ZSWIM9: variants seen among roughly 807,000 people sequenced by gnomAD.
The protein encoded by ZSWIM9 is zinc finger SWIM-type containing 9.
A neutral mutation model predicts 25.0 loss-of-function variants in ZSWIM9; 11 were observed. The observed-to-expected ratio is 0.44, with a 90% CI of 0.28 to 0.73. The LOEUF (loss-of-function observed/expected upper bound fraction) is 0.73. Ranked by LOEUF, ZSWIM9 falls within the 30% of genes least tolerant of loss-of-function variation. The pLI is 0.16. For missense variants in ZSWIM9, 1,070 were observed against 1,296.5 expected, an observed-to-expected ratio of 0.83 and a Z score of 2.68; for synonymous variants, 562 against 582.1, an observed-to-expected ratio of 0.97 and a Z score of 0.50.
Position 48,182,408 on chromosome 19 carries a change from A to T in ZSWIM9, c.276-47A>T. 2 of 1,377,940 alleles carry T rather than the reference A, an allele frequency of 1.5e-6. No individual in the cohort carries two copies. Among genetic ancestry groups the T allele is most frequent in the Non-Finnish European group, 1.9e-6 (2 of 1,035,690 alleles). 85.4% of individuals were successfully genotyped at this position (1,377,940 alleles called of 1,614,324 possible). A position where few individuals can be genotyped will look rare whatever the true frequency, so the allele number is the denominator to read the frequency against. On this transcript the variant is annotated intron_variant, in intron 2 of 3. Coordinates refer to ENST00000614654, the MANE Select transcript of ZSWIM9 (RefSeq NM_199341.4). The surrounding 1 kb of genome is among the most constrained non-coding windows in gnomAD (Gnocchi z 4.6). Reference sequence around the variant, plus strand: ...AAAAAGGTGAGTGGAAAGGAAGAAGAGGGCAGCAGAGTGATGTGACCAGGG... The same window carrying T: ...AAAAAGGTGAGTGGAAAGGAAGAAGTGGGCAGCAGAGTGATGTGACCAGGG...
chr19:48,184,670 C>A (rs2036990773), intron 3 of ZSWIM9, among the ~76,000 whole-genome samples: 1 of 152,140 alleles, frequency 6.6e-6, no homozygotes, highest in South Asian at 2.1e-4. Context: ...CAGGCACTAC[C>A]CTAAGTGCTT....
chr19:48,196,761 C>T lies in ZSWIM9; in HGVS notation c.2697C>T (p.Leu899=). Residue 899 remains leucine, a synonymous_variant, in exon 4 of 4, where the codon CTC becomes CTT. Coordinates refer to ENST00000614654, the MANE Select transcript of ZSWIM9 (RefSeq NM_199341.4). The stretch of plus-strand genomic sequence containing the variant: ...GACACCTCTTTGCAGCGCGCCTCCT[C>T]ACTGGGGCTGCCTTATTCCACATGG... ...PCRHLFAARL[L]TGAALFHMDL... The T allele has an allele frequency of 8.9e-6, 11 of 1,233,722 alleles. No individual in the cohort carries two copies. The highest frequency in any genetic ancestry group is 1.0e-5 in the Non-Finnish European group (10 of 989,058). 76.4% of individuals were successfully genotyped at this position (1,233,722 alleles called of 1,614,324 possible). A position where few individuals can be genotyped will look rare whatever the true frequency, so the allele number is the denominator to read the frequency against.
chr19:48,187,432 T>TATATATTATATATTATATATTA (rs1568579353), intron 3 of ZSWIM9, among the ~76,000 whole-genome samples: 4,101 of 84,336 alleles, frequency 0.049, 637 homozygotes, highest in South Asian at 0.07. Context: ...TATTATATTA[T>TATATATTATATATTATATATTA]ATTATATATA....
Position 48,171,814 on chromosome 19 carries a change from G to A in ZSWIM9, c.12G>A (p.Pro4=), listed in dbSNP as rs2036820906. 5 of 1,532,586 alleles carry A rather than the reference G, an allele frequency of 3.3e-6. No individual in the cohort carries two copies. Among genetic ancestry groups the A allele is most frequent in the Non-Finnish European group, 4.4e-6 (5 of 1,145,506 alleles). The allele number at this position is 1,532,586 out of a possible 1,614,324, so 94.9% of individuals were successfully genotyped here. ...CGCAGGCCCCCAGGATGGAGCGGCC[G>A]GAGCCCCCACCCGGCACGGCTGCGG... MER[P]EPPPGTAAGQ... Residue 4 remains proline, a synonymous_variant, in exon 2 of 4, where the codon CCG becomes CCA. Coordinates refer to ENST00000614654, the MANE Select transcript of ZSWIM9 (RefSeq NM_199341.4).
At position 48,195,217 on chromosome 19, in the gene ZSWIM9, C is replaced by T; in HGVS notation, c.1153C>T (p.Arg385Cys). The change falls in exon 4 of 4, where the codon CGC becomes TGC. Residue 385 changes from arginine (R) to cysteine (C), a missense_variant. Arg to Cys is a radical substitution (Grantham distance 180, BLOSUM62 -3). Around this residue, in one of 4 missense-constraint regions of ZSWIM9, gnomAD observed 184 missense variants for 243.1 expected, o/e 0.76. Transcript: ENST00000614654. This position sits in a 1 kb window ranked among gnomAD's most constrained non-coding sequence, Gnocchi z 5.8. ...DYFERNWEPR[R>C]DMWVRFRAFE... ...CTTCGAGCGCAACTGGGAGCCCCGCCGCGACATGTGGGTCCGCTTCCGCGC... is the reference window on the plus strand; with the variant it reads ...CTTCGAGCGCAACTGGGAGCCCCGCTGCGACATGTGGGTCCGCTTCCGCGC... The T allele has an allele frequency of 6.5e-7, 1 of 1,527,798 alleles. No individual in the cohort carries two copies. The highest frequency in any genetic ancestry group is 8.8e-7 in the Non-Finnish European group (1 of 1,142,164). 94.6% of individuals were successfully genotyped at this position (1,527,798 alleles called of 1,614,324 possible).
chr19:48,171,810 G>C lies in ZSWIM9; in HGVS notation c.8G>C (p.Arg3Pro). 6.5e-7 allele frequency: 1 copy of C among 1,532,110 alleles called. No homozygotes were observed. The highest frequency in any genetic ancestry group is 8.7e-7 in the Non-Finnish European group (1 of 1,145,316). The allele number at this position is 1,532,110 out of a possible 1,614,324, so 94.9% of individuals were successfully genotyped here. Residue 3 changes from arginine (R) to proline (P), a missense_variant, in exon 2 of 4, where the codon CGG (arginine) becomes CCG (proline). This residue lies in a region of ZSWIM9 where 265 missense variants were observed against 339.0 expected (regional missense o/e 0.78). Transcript: ENST00000614654. ...TCCACGCAGGCCCCCAGGATGGAGC[G>C]GCCGGAGCCCCCACCCGGCACGGCT... ME[R>P]PEPPPGTAAG...
In ZSWIM9 at chr19:48,195,954, G is replaced by A; in HGVS notation, c.1890G>A (p.Ala630=). ...RSLEGSPWRG[A]QLHDERAGGL... is the part of the protein sequence containing the mutation. ...TTGAAGGAAGCCCCTGGAGGGGGGCGCAGCTGCACGATGAAAGGGCAGGGG... is the reference window on the plus strand; with the variant it reads ...TTGAAGGAAGCCCCTGGAGGGGGGCACAGCTGCACGATGAAAGGGCAGGGG... Residue 630 remains alanine (A), a synonymous_variant, in exon 4 of 4, where the codon GCG becomes GCA. Coordinates refer to ENST00000614654, the MANE Select transcript of ZSWIM9 (RefSeq NM_199341.4). The surrounding 1 kb of genome is among the most constrained non-coding windows in gnomAD (Gnocchi z 5.8). 7.6e-7 allele frequency: 1 copy of A among 1,320,728 alleles called. No individual in the cohort carries two copies. Among genetic ancestry groups the A allele is most frequent in the Non-Finnish European group, 9.6e-7 (1 of 1,039,544 alleles). The allele number at this position is 1,320,728 out of a possible 1,614,324, so 81.8% of individuals were successfully genotyped here. A position where few individuals can be genotyped will look rare whatever the true frequency, so the allele number is the denominator to read the frequency against.
rs1198179001 is a variant in ZSWIM9 at position 48,197,584 on chromosome 19, T to C, written c.*757T>C. On this transcript the variant is annotated 3_prime_UTR_variant, in exon 4 of 4. Transcript: ENST00000614654. ...AGGGGAGGGGAATTGTTTGGACTAT[T>C]GTTCTTCAGGATTGGAATAAAACAA... 2 of 379,444 alleles carry C rather than the reference T, an allele frequency of 5.3e-6. No individual in the cohort carries two copies. The highest frequency in any genetic ancestry group is 9.7e-6 in the Non-Finnish European group (2 of 207,054). 23.5% of individuals were successfully genotyped at this position (379,444 alleles called of 1,614,324 possible).
chr19:48,176,645 T>A (rs1309298359), intron 2 of ZSWIM9, among the ~76,000 whole-genome samples: 20 of 152,198 alleles, frequency 1.3e-4, no homozygotes, highest in Admixed American at 1.3e-3. Context: ...TAAAGATGTG[T>A]TGTTTCTGGG....
Position 48,196,588 on chromosome 19 carries a change from T to C in ZSWIM9, c.2524T>C (p.Leu842=). Residue 842 remains leucine (L), a synonymous_variant, in exon 4 of 4, where the codon TTG becomes CTG. Coordinates refer to ENST00000614654, the MANE Select transcript of ZSWIM9 (RefSeq NM_199341.4). ...GCTGGCAGACCTGGTGGCTGAGGAG[T>C]TGGCCTTTGCTAGGCAGCATGGGAC... ...PELADLVAEE[L]AFARQHGTRG... 1 of 1,231,916 alleles carries C rather than the reference T, an allele frequency of 8.1e-7. No individual in the cohort carries two copies. The highest frequency in any genetic ancestry group is 3.2e-5 in the East Asian group (1 of 31,642). The allele number at this position is 1,231,916 out of a possible 1,614,324, so 76.3% of individuals were successfully genotyped here.
Position 48,197,533 on chromosome 19 carries a change from C to A in ZSWIM9, c.*706C>A. The A allele has an allele frequency of 1.0e-5, 5 of 494,092 alleles. No individual in the cohort carries two copies. The highest frequency in any genetic ancestry group is 3.4e-5 in the Admixed American group (1 of 29,794). The allele number at this position is 494,092 out of a possible 1,614,324, so 30.6% of individuals were successfully genotyped here. Reference sequence around the variant, plus strand: ...CTTCTGAAGAGAGAGGGAGGGCGGGCACTGGGGGTCAGGAGAGTCTCCAGC... The same window carrying A: ...CTTCTGAAGAGAGAGGGAGGGCGGGAACTGGGGGTCAGGAGAGTCTCCAGC... On this transcript the variant is annotated 3_prime_UTR_variant, in exon 4 of 4. Coordinates refer to ENST00000614654, the MANE Select transcript of ZSWIM9 (RefSeq NM_199341.4).
intron 2 of ZSWIM9, among the ~76,000 whole-genome samples, chr19:48,176,255 G>A (rs1029761287): frequency 2.6e-5 from 4 of 151,858 alleles, no homozygotes; most frequent in African/African-American, 4.8e-5. Flanking sequence ...GCAAAGCAAC[G>A]GGTCCTTGAA....
At chr19:48,176,473 A>G (rs183992004) in intron 2 of ZSWIM9, among the ~76,000 whole-genome samples, 28 of 152,282 alleles carry the variant, frequency 1.8e-4, no homozygotes, top group Admixed American at 1.0e-3. Flanking sequence ...AGCAGCTAAG[A>G]GGGAAAACCA....
At position 48,196,732 on chromosome 19, in the gene ZSWIM9, T is replaced by A; in HGVS notation, c.2668T>A (p.Cys890Ser). The A allele has an allele frequency of 8.1e-7, 1 of 1,233,304 alleles. No individual in the cohort carries two copies. The allele number at this position is 1,233,304 out of a possible 1,614,324, so 76.4% of individuals were successfully genotyped here. The change falls in exon 4 of 4, where the codon TGC becomes AGC. Residue 890 changes from cysteine (C) to serine (S), a missense_variant. Cys to Ser is a moderately radical substitution (Grantham distance 112, BLOSUM62 -1). Coordinates refer to ENST00000614654, the MANE Select transcript of ZSWIM9 (RefSeq NM_199341.4). ...AATTCACGCCGCCCGCCGTCTGCCCTGCAGACACCTCTTTGCAGCGCGCCT... is the reference window on the plus strand; with the variant it reads ...AATTCACGCCGCCCGCCGTCTGCCCAGCAGACACCTCTTTGCAGCGCGCCT... Reference protein sequence around the residue: ...CSIHAARRLPCRHLFAARLLT... With the variant: ...CSIHAARRLPSRHLFAARLLT...
At position 48,196,724 on chromosome 19, in the gene ZSWIM9, G is replaced by A. The variant is rs1274395070; in HGVS notation, c.2660G>A (p.Arg887His). ...RCSCSIHAAR[R>H]LPCRHLFAAR... ...AGCTGCTCAATTCACGCCGCCCGCCGTCTGCCCTGCAGACACCTCTTTGCA... is the reference window on the plus strand; with the variant it reads ...AGCTGCTCAATTCACGCCGCCCGCCATCTGCCCTGCAGACACCTCTTTGCA... Residue 887 changes from arginine (R) to histidine (H), a missense_variant, in exon 4 of 4, where the codon CGT (arginine) becomes CAT (histidine). By Grantham distance (29) the Arg-to-His change is conservative. Coordinates refer to ENST00000614654, the MANE Select transcript of ZSWIM9 (RefSeq NM_199341.4). 8.1e-6 allele frequency: 10 copies of A among 1,232,852 alleles called. No individual in the cohort carries two copies. Among genetic ancestry groups the A allele is most frequent in the African/African-American group, 7.8e-5 (5 of 64,418 alleles). The allele number at this position is 1,232,852 out of a possible 1,614,324, so 76.4% of individuals were successfully genotyped here. A position where few individuals can be genotyped will look rare whatever the true frequency, so the allele number is the denominator to read the frequency against.
chr19:48,171,683 C>A (rs1308234753), intron 1 of ZSWIM9, 111 bp from the exon 2 acceptor site: 12 of 1,075,448 alleles, frequency 1.1e-5, no homozygotes, highest in Non-Finnish European at 1.6e-5. Flanking sequence ...CCGGGCTACC[C>A]ACCTCGATAG....
chr19:48,172,254 A>G (rs1411480671), intron 2 of ZSWIM9, among the ~76,000 whole-genome samples, 177 bp downstream of exon 2: 1 of 152,004 alleles, frequency 6.6e-6, no homozygotes, highest in African/African-American at 2.4e-5. Flanking sequence ...TACTGAGAGA[A>G]GAAGAGGAGC....
Position 48,194,991 on chromosome 19 carries a change from GC to G in ZSWIM9, c.930del (p.Cys311AlafsTer159). On this transcript the variant is annotated frameshift_variant, in exon 4 of 4. Transcript: ENST00000614654. LOFTEE classifies it low-confidence loss of function (END_TRUNC). This position sits in a 1 kb window ranked among gnomAD's most constrained non-coding sequence, Gnocchi z 6.0. ...AGTTGCCTGCAGTGCGCCAGCTGCT[GC>G]CCTGCGCGCGCGTGCAGATCTGCCG... ...AQLPAVRQLL[P>X]CARVQICRAQ... 1 of 1,339,962 alleles carries G rather than the reference GC, an allele frequency of 7.5e-7. No individual in the cohort carries two copies. The highest frequency in any genetic ancestry group is 9.5e-7 in the Non-Finnish European group (1 of 1,050,906). The allele number at this position is 1,339,962 out of a possible 1,614,324, so 83.0% of individuals were successfully genotyped here.
rs887902422 is a variant in ZSWIM9 at position 48,182,622 on chromosome 19, T to C, written c.443T>C (p.Val148Ala). 5.2e-6 allele frequency: 8 copies of C among 1,535,664 alleles called. No individual in the cohort carries two copies. In the East Asian group the frequency reaches 7.3e-5, roughly 14 times the overall value. Residue 148 changes from valine to alanine, a missense_variant, in exon 3 of 4, where the codon GTG becomes GCG. Val to Ala is a moderately conservative substitution (Grantham distance 64). Transcript: ENST00000614654. The surrounding 1 kb of genome is among the most constrained non-coding windows in gnomAD (Gnocchi z 4.6). The stretch of plus-strand genomic sequence containing the variant: ...CTGCTGGCCAACGCCTGCCTGCCGG[T>C]GCGCACCACCAACAAGATCTCCAAG... ...GHLLANACLP[V>A]RTTNKISKQF...
Sources: gnomAD v4.1 joint callset for allele counts (sites outside exome capture counted in the v4.1 genomes callset) on GRCh38, gnomAD v4.1.1 for gene constraint, gnomAD v4.1.1 regional missense constraint, Gnocchi (gnomAD v3.1) non-coding constraint, MANE v1.5 for transcripts, NCBI Gene and HGNC (gene_info 2026-07-23, HGNC 2026-07-21) for gene names.